ARHGAP26: variants seen among roughly 807,000 people sequenced by gnomAD.
ARHGAP26 encodes the protein Rho GTPase activating protein 26.
In ARHGAP26, 38 loss-of-function variants were observed where a neutral mutation model predicts 104.8. That is an observed-to-expected ratio of 0.36 (90% CI 0.28 to 0.48). The LOEUF is 0.48. Among genes scored for constraint, ARHGAP26 ranks in the 20% least tolerant of loss-of-function variants. ARHGAP26 has a pLI of 0.99. For missense variants in ARHGAP26, 704 were observed against 947.9 expected (o/e 0.74, Z 3.38); for synonymous variants, 341 against 340.0 (o/e 1.00, Z -0.03).
At chr5:143,141,686 C>T (rs575166252) in intron 19 of ARHGAP26, among the ~76,000 whole-genome samples, 1 of 152,266 alleles carries the variant, frequency 6.6e-6, no homozygotes, top group East Asian at 1.9e-4. Context: ...CCCTCAGATC[C>T]CAGTCAACTG....
chr5:142,951,080 G>A (rs1768316399), intron 11 of ARHGAP26, among the ~76,000 whole-genome samples: 1 of 148,544 alleles, frequency 6.7e-6, no homozygotes, highest in Admixed American at 6.7e-5. Flanking sequence ...CCCTTTCCGA[G>A]ACAGAGTCTC....
At chr5:143,085,684 G>A (rs541524926) in intron 17 of ARHGAP26, among the ~76,000 whole-genome samples, 6 of 152,312 alleles carry the variant, frequency 3.9e-5, no homozygotes, top group African/African-American at 1.4e-4. Context: ...GATGCAGAGC[G>A]CTCCACAGCA....
intron 11 of ARHGAP26, among the ~76,000 whole-genome samples, chr5:143,011,756 G>T (rs1206726989): frequency 1.3e-5 from 2 of 152,202 alleles, no homozygotes; most frequent in African/African-American, 2.4e-5. Context: ...TGCTGAGGGA[G>T]AGTGGGCCAC....
chr5:142,784,923 ATTTT>A (rs35315311), intron 1 of ARHGAP26, among the ~76,000 whole-genome samples: 3 of 118,126 alleles, frequency 2.5e-5, no homozygotes, highest in African/African-American at 7.2e-5. Context: ...CTTCCTTAGG[ATTTT>A]TTTTTTTTTT....
In ARHGAP26 at chr5:143,207,245, T is replaced by C. The variant is rs745684629; in HGVS notation, c.2036T>C (p.Met679Thr). 1.9e-6 allele frequency: 3 copies of C among 1,614,148 alleles called. No individual in the cohort carries two copies. The highest frequency in any genetic ancestry group is 1.1e-5 in the South Asian group (1 of 91,078). ...PTSPLSPSWPMFSAPSSPMPT... is the reference protein window; with the variant it reads ...PTSPLSPSWPTFSAPSSPMPT... The stretch of plus-strand genomic sequence containing the variant: ...TCACCCCTCTCGCCATCTTGGCCCA[T>C]GTTCTCGGCGCCATCCAGCCCTATG... Residue 679 changes from methionine (M) to threonine (T), a missense_variant, in exon 21 of 23, where the codon ATG becomes ACG. Met to Thr is a moderately conservative substitution (Grantham distance 81). Transcript: ENST00000645722.
At chr5:142,984,573 C>A (rs773213677) in intron 11 of ARHGAP26, among the ~76,000 whole-genome samples, 3 of 152,106 alleles carry the variant, frequency 2.0e-5, no homozygotes, top group Admixed American at 2.0e-4. Context: ...ATACATGATT[C>A]TTTTCTTAGC....
Position 142,926,113 on chromosome 5 carries a change from C to T in ARHGAP26, c.1029-5934C>T, listed in dbSNP as rs570392483. Among the ~76,000 whole-genome samples the T allele has an allele frequency of 6.6e-5, 10 of 152,258 alleles. No homozygotes were observed. The South Asian group carries it at 1.7e-3, about 25-fold the overall frequency. On this transcript the variant is annotated intron_variant, in intron 10 of 22. Coordinates refer to ENST00000645722, the MANE Select transcript of ARHGAP26 (RefSeq NM_001135608.3). ...TGTTTGCTCTTGGCTGGTGAGGAGG[C>T]TATGAGTTGGTATAGCCAGTGGTCC...
At chr5:142,824,039 G>A (rs1313601099) in intron 1 of ARHGAP26, among the ~76,000 whole-genome samples, 1 of 152,188 alleles carries the variant, frequency 6.6e-6, no homozygotes. Flanking sequence ...TCCAGGGCTG[G>A]ATGTGACTCA....
intron 20 of ARHGAP26, among the ~76,000 whole-genome samples, chr5:143,181,182 A>C (rs61222912): frequency 2.6e-5 from 4 of 152,300 alleles, no homozygotes; most frequent in African/African-American, 9.6e-5. Context: ...CTACCATGCA[A>C]GCTTGAACAC....
At chr5:143,152,729 C>T (rs547505873) in intron 20 of ARHGAP26, among the ~76,000 whole-genome samples, 1 of 152,236 alleles carries the variant, frequency 6.6e-6, no homozygotes, top group African/African-American at 2.4e-5. Flanking sequence ...ACAGCTTTCT[C>T]TCTCATTCTC....
intron 20 of ARHGAP26, among the ~76,000 whole-genome samples, chr5:143,180,328 G>A (rs1268188548): frequency 6.6e-6 from 1 of 152,090 alleles, no homozygotes; most frequent in African/African-American, 2.4e-5. Context: ...GTTTCACCAT[G>A]TTGGCCAGGA....
In ARHGAP26 at chr5:143,148,781, A is replaced by G. The variant is rs563227611; in HGVS notation, c.1988+1400A>G. 4.6e-5 allele frequency among the ~76,000 whole-genome samples: 7 copies of G among 151,938 alleles called. No individual in the cohort carries two copies. In the South Asian group the frequency reaches 8.3e-4, roughly 18 times the overall value. On this transcript the variant is annotated intron_variant, in intron 20 of 22. Transcript: ENST00000645722. ...CTTTCCTAGACTTTAGGGAGATTCTATTTTCTTTACTTGTTTTTTTCTTCA... is the reference window on the plus strand; with the variant it reads ...CTTTCCTAGACTTTAGGGAGATTCTGTTTTCTTTACTTGTTTTTTTCTTCA...
At chr5:142,863,842 A>G (rs1753790123) in intron 1 of ARHGAP26, among the ~76,000 whole-genome samples, 1 of 152,144 alleles carries the variant, frequency 6.6e-6, no homozygotes, top group Non-Finnish European at 1.5e-5. Flanking sequence ...TGCAGAGGAA[A>G]AGGCATTCCA....
chr5:143,093,991 C>T (rs536008481), intron 17 of ARHGAP26, among the ~76,000 whole-genome samples: 10 of 152,292 alleles, frequency 6.6e-5, no homozygotes, highest in Non-Finnish European at 1.2e-4. Flanking sequence ...TCAACGCCCC[C>T]CCATGGGGAT....
chr5:142,849,708 C>A (rs1431333542), intron 1 of ARHGAP26, among the ~76,000 whole-genome samples: 1 of 152,078 alleles, frequency 6.6e-6, no homozygotes, highest in Admixed American at 6.5e-5. Context: ...AGCCCCAGCC[C>A]CTCTCCAGTT....
At chr5:143,032,764 A>ATTTATAG (rs1782065084) in intron 12 of ARHGAP26, among the ~76,000 whole-genome samples, 1 of 152,198 alleles carries the variant, frequency 6.6e-6, no homozygotes, top group African/African-American at 2.4e-5. Context: ...AACCGTTGTT[A>ATTTATAG]ATTATTAGTA....
intron 19 of ARHGAP26, among the ~76,000 whole-genome samples, chr5:143,140,338 T>C (rs79042882): frequency 6.6e-6 from 1 of 152,184 alleles, no homozygotes; most frequent in African/African-American, 2.4e-5. Flanking sequence ...CAGACTGAGA[T>C]GTTTTAATGT....
At chr5:143,127,075 T>C (rs563664246) in intron 18 of ARHGAP26, among the ~76,000 whole-genome samples, 2 of 152,332 alleles carry the variant, frequency 1.3e-5, no homozygotes, top group African/African-American at 4.8e-5. Flanking sequence ...TTACTTAGTG[T>C]TTTAAACGCT....
intron 6 of ARHGAP26, among the ~76,000 whole-genome samples, chr5:142,900,085 T>G (rs1470541034): frequency 6.6e-6 from 1 of 152,186 alleles, no homozygotes; most frequent in Non-Finnish European, 1.5e-5. Flanking sequence ...GGCAGGGCAT[T>G]TGCAGATAGC....
Sources: gnomAD v4.1 joint callset for allele counts (sites outside exome capture counted in the v4.1 genomes callset) on GRCh38, gnomAD v4.1.1 for gene constraint, MANE v1.5 for transcripts, NCBI Gene and HGNC (gene_info 2026-07-23, HGNC 2026-07-21) for gene names.